STX18: variants seen among roughly 807,000 people sequenced by gnomAD.
STX18 encodes the protein syntaxin-18.
In STX18, 40 loss-of-function variants were observed where a neutral mutation model predicts 50.1. That is an observed-to-expected ratio of 0.80 (90% CI 0.62 to 1.04). STX18 has a LOEUF of 1.04. STX18 is among the 50% of genes least tolerant of loss of function. STX18 has a pLI of 0.00. For missense variants in STX18, 410 were observed against 415.8 expected (o/e 0.99, Z 0.12); for synonymous variants, 158 against 151.8 (o/e 1.04, Z -0.30).
chr4:4,450,159 T>A (rs971408941), intron 5 of STX18, among the ~76,000 whole-genome samples: 13 of 152,358 alleles, frequency 8.5e-5, no homozygotes, highest in South Asian at 4.1e-4. Flanking sequence ...TACACGCGTA[T>A]AAATGTGTAC....
At chr4:4,499,494 G>A in intron 1 of STX18, 13 of 985,346 alleles carry the variant, frequency 1.3e-5, no homozygotes, top group Non-Finnish European at 1.6e-5. Context: ...ACAGATGCTT[G>A]CCCACGTTGT....
At chr4:4,478,071 C>G (rs1026374522) in intron 1 of STX18, 7 of 152,150 alleles carry the variant, frequency 4.6e-5, no homozygotes, top group African/African-American at 1.7e-4. Flanking sequence ...GATCACAGAT[C>G]TGTATGACTC....
At chr4:4,436,968 T>C (rs959360828) in intron 6 of STX18, among the ~76,000 whole-genome samples, 1 of 104,792 alleles carries the variant, frequency 9.5e-6, no homozygotes, top group African/African-American at 5.1e-5. Context: ...TTTTTTTTTT[T>C]TTTTTTTTGA....
intron 5 of STX18, among the ~76,000 whole-genome samples, chr4:4,454,056 G>A (rs1250543428): frequency 2.6e-5 from 4 of 152,224 alleles, no homozygotes; most frequent in Non-Finnish European, 5.9e-5. Flanking sequence ...GTATAGACAA[G>A]CTCAGGAGTT....
chr4:4,423,393 G>T, intron 9 of STX18, 125 bp downstream of exon 9: 1 of 906,342 alleles, frequency 1.1e-6, no homozygotes, highest in Non-Finnish European at 1.8e-6. Flanking sequence ...ACACACACCT[G>T]CTAGCAACAC....
intron 1 of STX18, among the ~76,000 whole-genome samples, chr4:4,483,153 A>C (rs1395267563): frequency 1.3e-5 from 2 of 152,214 alleles, no homozygotes; most frequent in Non-Finnish European, 2.9e-5. Flanking sequence ...TGGATTTAGC[A>C]GTCTAATTTC....
rs754581842 is a variant in STX18 at position 4,498,316 on chromosome 4, G to GC, written c.169-26611dup. ...TGACTTTTCTTCGCAAAATAGTACT[G>GC]CATAATAAGATCAATGATGATAATA... On this transcript the variant is annotated intron_variant, in intron 1 of 10. Transcript: ENST00000306200. 4.6e-5 allele frequency among the ~76,000 whole-genome samples: 7 copies of GC among 152,086 alleles called. No individual in the cohort carries two copies. The South Asian group carries it at 6.2e-4, about 14-fold the overall frequency.
chr4:4,459,761 G>A (rs912234476), intron 2 of STX18, among the ~76,000 whole-genome samples: 9 of 152,198 alleles, frequency 5.9e-5, no homozygotes, highest in African/African-American at 2.2e-4. Context: ...CGTGGAGTCA[G>A]GGCTACAGCA....
chr4:4,462,293 C>T (rs1727420028), intron 2 of STX18, among the ~76,000 whole-genome samples: 1 of 152,184 alleles, frequency 6.6e-6, no homozygotes, highest in Non-Finnish European at 1.5e-5. Flanking sequence ...TTATCATTCA[C>T]CAGGAGACTT....
At chr4:4,445,845 T>C (rs992703093) in intron 5 of STX18, among the ~76,000 whole-genome samples, 6 of 152,178 alleles carry the variant, frequency 3.9e-5, no homozygotes, top group African/African-American at 1.2e-4. Context: ...AAAATTGATA[T>C]GGAAATATAC....
intron 1 of STX18, among the ~76,000 whole-genome samples, chr4:4,529,611 T>TG (rs1422039257): frequency 1.3e-5 from 2 of 152,182 alleles, no homozygotes; most frequent in African/African-American, 4.8e-5. Flanking sequence ...AGGACACCTG[T>TG]GCATGCCCAA....
intron 8 of STX18, 27 bp downstream of exon 8, chr4:4,425,137 C>G (rs973274034): frequency 6.3e-7 from 1 of 1,597,956 alleles, no homozygotes; most frequent in African/African-American, 1.3e-5. Flanking sequence ...AGCAGGCTAT[C>G]AGCTCACAGA....
At chr4:4,484,964 C>T (rs1444879902) in intron 1 of STX18, among the ~76,000 whole-genome samples, 1 of 152,178 alleles carries the variant, frequency 6.6e-6, no homozygotes, top group Non-Finnish European at 1.5e-5. Flanking sequence ...AGTTCCAACC[C>T]AAGGATCCGA....
chr4:4,489,590 A>C (rs559914412), intron 1 of STX18, among the ~76,000 whole-genome samples: 68 of 151,872 alleles, frequency 4.5e-4, no homozygotes, highest in African/African-American at 1.6e-3. Context: ...GAACTTTCTA[A>C]CATCTTCTTT....
In STX18 at chr4:4,419,932, G is replaced by C; in HGVS notation, c.*102C>G. The C allele has an allele frequency of 1.0e-6, 1 of 954,834 alleles. No homozygotes were observed. Among genetic ancestry groups the C allele is most frequent in the Non-Finnish European group, 1.6e-6 (1 of 622,664 alleles). 59.1% of individuals were successfully genotyped at this position (954,834 alleles called of 1,614,324 possible). On this transcript the variant is annotated 3_prime_UTR_variant, in exon 11 of 11. Transcript: ENST00000306200. ...CTCCTTTCCCTTCAAATGGCACTGT[G>C]ATAAAATCTGGTCATACCATGCTCC...
chr4:4,436,510 T>C (rs1725782644), intron 6 of STX18, among the ~76,000 whole-genome samples: 1 of 152,036 alleles, frequency 6.6e-6, no homozygotes, highest in African/African-American at 2.4e-5. Context: ...ACATCAAAAT[T>C]AGAAACAGAA....
At position 4,444,534 on chromosome 4, in the gene STX18, A is replaced by C. The variant is rs749156983; in HGVS notation, c.498-6025T>G. ...GTATTGGGAGACACATATTGGAAGA[A>C]TTAAGTGCTGTCTACACTATTCCAC... On this transcript the variant is annotated intron_variant, in intron 5 of 10. Coordinates refer to ENST00000306200, the MANE Select transcript of STX18 (RefSeq NM_016930.4). Among the ~76,000 whole-genome samples, 15 of 152,342 alleles carry C rather than the reference A, an allele frequency of 9.8e-5. No individual in the cohort carries two copies. In the South Asian group the frequency reaches 2.5e-3, roughly 25 times the overall value.
chr4:4,421,103 T>C (rs953673419), intron 9 of STX18, among the ~76,000 whole-genome samples, 159 bp from the exon 10 acceptor site: 2 of 152,222 alleles, frequency 1.3e-5, no homozygotes, highest in Admixed American at 1.3e-4. Context: ...TTAGGGATGC[T>C]TGACATATAC....
intron 1 of STX18, chr4:4,507,454 A>G: frequency 1.3e-6 from 1 of 761,108 alleles, no homozygotes; most frequent in South Asian, 1.3e-5. Context: ...CGAACTGGAG[A>G]AAAAGTTCAG....
Sources: gnomAD v4.1 joint callset for allele counts (sites outside exome capture counted in the v4.1 genomes callset) on GRCh38, gnomAD v4.1.1 for gene constraint, MANE v1.5 for transcripts, NCBI Gene and HGNC (gene_info 2026-07-23, HGNC 2026-07-21) for gene names.